Variants in SLC25A26 observed in about 807,000 individuals in gnomAD.
SLC25A26 encodes the protein mitochondrial S-adenosylmethionine carrier protein.
SLC25A26 carries 36 observed loss-of-function variants against 37.8 expected under a neutral mutation model. The observed-to-expected ratio is 0.95, with a 90% confidence interval of 0.73 to 1.26. SLC25A26 has a LOEUF of 1.26. SLC25A26 is among the 50% of genes most tolerant of loss of function. The pLI, the probability that SLC25A26 is intolerant of heterozygous loss-of-function variation, is 0.00. For missense variants in SLC25A26, 390 were observed against 331.1 expected, an observed-to-expected ratio of 1.18 and a Z score of -1.38; for synonymous variants, 129 against 122.5, an observed-to-expected ratio of 1.05 and a Z score of -0.35.
At chr3:66,186,584 AT>A (rs1266789635) in intron 1 of SLC25A26, among the ~76,000 whole-genome samples, 2 of 151,930 alleles carry the variant, frequency 1.3e-5, no homozygotes, top group Non-Finnish European at 2.9e-5. Context: ...CTGACCATAA[AT>A]TTGAACTTGA....
chr3:66,329,128 G>GT (rs1378736333), intron 5 of SLC25A26, among the ~76,000 whole-genome samples: 1 of 152,052 alleles, frequency 6.6e-6, no homozygotes, highest in African/African-American at 2.4e-5. Flanking sequence ...GACTTTTTTG[G>GT]TTTTTACATT....
intron 5 of SLC25A26, among the ~76,000 whole-genome samples, chr3:66,337,870 A>G (rs965260036): frequency 1.3e-5 from 2 of 152,066 alleles, no homozygotes; most frequent in Non-Finnish European, 2.9e-5. Flanking sequence ...CTCATTCTTC[A>G]CCTTGACTAC....
intron 5 of SLC25A26, among the ~76,000 whole-genome samples, chr3:66,316,520 G>A (rs1017823394): frequency 2.6e-5 from 4 of 152,046 alleles, no homozygotes; most frequent in Non-Finnish European, 4.4e-5. Context: ...AGAGATGAGC[G>A]GCCTTTCTCT....
At chr3:66,370,973 A>C (rs1700316465) in intron 9 of SLC25A26, among the ~76,000 whole-genome samples, 1 of 152,214 alleles carries the variant, frequency 6.6e-6, no homozygotes, top group Non-Finnish European at 1.5e-5. Context: ...TGATGCTTTT[A>C]ACTATTATTA....
chr3:66,346,961 G>A (rs2076340471), intron 6 of SLC25A26, among the ~76,000 whole-genome samples: 1 of 152,084 alleles, frequency 6.6e-6, no homozygotes, highest in African/African-American at 2.4e-5. Context: ...CCTCCAGAGG[G>A]AAGGAGCAGA....
chr3:66,243,376 C>A (rs2072677527), intron 3 of SLC25A26, 64 bp downstream of exon 3: 3 of 751,404 alleles, frequency 4.0e-6, no homozygotes, highest in Admixed American at 2.4e-5. Flanking sequence ...ATTTTCAGTA[C>A]ATATTTATTT....
chr3:66,376,733 C>G (rs896591446), intron 9 of SLC25A26, among the ~76,000 whole-genome samples: 2 of 152,184 alleles, frequency 1.3e-5, no homozygotes, highest in Admixed American at 6.5e-5. Flanking sequence ...TGAAATATCT[C>G]TGAGTCATGC....
intron 1 of SLC25A26, among the ~76,000 whole-genome samples, chr3:66,167,734 G>C (rs2070443762): frequency 6.6e-6 from 1 of 152,186 alleles, no homozygotes. Flanking sequence ...ATGCCCTGAT[G>C]ATGGGGAAAA....
At chr3:66,335,208 TTAAATGTA>T (rs1575581830) in intron 5 of SLC25A26, among the ~76,000 whole-genome samples, 1 of 152,206 alleles carries the variant, frequency 6.6e-6, no homozygotes, top group Non-Finnish European at 1.5e-5. Flanking sequence ...TGGCTTTTCT[TTAAATGTA>T]TAAAGCAGAT....
intron 5 of SLC25A26, among the ~76,000 whole-genome samples, chr3:66,333,646 T>C (rs1321916177): frequency 6.6e-6 from 1 of 152,138 alleles, no homozygotes; most frequent in African/African-American, 2.4e-5. Context: ...TTGGTCAGCT[T>C]ATTAGGACCC....
chr3:66,325,307 A>AGATT (rs1184021431), intron 5 of SLC25A26, among the ~76,000 whole-genome samples: 2 of 152,218 alleles, frequency 1.3e-5, no homozygotes, highest in Non-Finnish European at 2.9e-5. Flanking sequence ...GAGGTTTTGT[A>AGATT]GATTGATTGA....
chr3:66,181,121 T>C (rs1438673128), intron 1 of SLC25A26, among the ~76,000 whole-genome samples: 2 of 152,216 alleles, frequency 1.3e-5, no homozygotes, highest in Non-Finnish European at 2.9e-5. Flanking sequence ...TTTAAGCTGC[T>C]TGGTCTGTGG....
In SLC25A26 at chr3:66,175,335, C is replaced by T. The variant is rs537021661; in HGVS notation, c.-354+41351C>T. ...CATCTCCCAGGTTCAAGTGATTCTC[C>T]TGCCTCAGCCTCCTGAGTAGCTGGG... On this transcript the variant is annotated intron_variant, in intron 1 of 10. Coordinates refer to the SLC25A26 transcript ENST00000676754. 7.9e-5 allele frequency among the ~76,000 whole-genome samples: 12 copies of T among 151,970 alleles called. No homozygotes were observed. In the South Asian group the frequency reaches 2.5e-3, roughly 32 times the overall value.
intron 5 of SLC25A26, among the ~76,000 whole-genome samples, chr3:66,297,481 A>G (rs1191628670): frequency 2.6e-5 from 4 of 152,196 alleles, no homozygotes; most frequent in Non-Finnish European, 5.9e-5. Flanking sequence ...AAATATTACT[A>G]TAACAGTAGC....
intron 6 of SLC25A26, among the ~76,000 whole-genome samples, chr3:66,353,424 C>A (rs2076505329): frequency 6.6e-6 from 1 of 152,138 alleles, no homozygotes; most frequent in Non-Finnish European, 1.5e-5. Context: ...TGCCCAAGGC[C>A]ATGGGAGTAC....
chr3:66,173,881 T>C (rs1317690004), intron 1 of SLC25A26, among the ~76,000 whole-genome samples: 1 of 152,038 alleles, frequency 6.6e-6, no homozygotes, highest in African/African-American at 2.4e-5. Flanking sequence ...TGTAACCCTG[T>C]CTCTACTAAA....
intron 5 of SLC25A26, among the ~76,000 whole-genome samples, chr3:66,328,765 T>C (rs760993425): frequency 2.0e-5 from 3 of 152,210 alleles, no homozygotes; most frequent in Non-Finnish European, 4.4e-5. Flanking sequence ...TTTAATAAAA[T>C]TACTTGCATT....
intron 1 of SLC25A26, among the ~76,000 whole-genome samples, chr3:66,184,771 C>G (rs1426957716): frequency 6.6e-6 from 1 of 151,980 alleles, no homozygotes; most frequent in African/African-American, 2.4e-5. Flanking sequence ...CTGACATTGA[C>G]TCTAACCATC....
chr3:66,286,233 A>G (rs757550350), intron 5 of SLC25A26, among the ~76,000 whole-genome samples: 1 of 152,118 alleles, frequency 6.6e-6, no homozygotes, highest in Non-Finnish European at 1.5e-5. Flanking sequence ...TCTTTTATGA[A>G]TTGTACTTTG....
Sources: gnomAD v4.1 joint callset for allele counts (sites outside exome capture counted in the v4.1 genomes callset) on GRCh38, gnomAD v4.1.1 for gene constraint, MANE v1.5 for transcripts, NCBI Gene and HGNC (gene_info 2026-07-23, HGNC 2026-07-21) for gene names.